Variants in DARS1 observed in about 807,000 individuals in gnomAD.
DARS1 encodes aspartyl-tRNA synthetase 1, also known as aspartate--tRNA ligase, cytoplasmic.
DARS1 carries 51 observed loss-of-function variants against 68.8 expected under a neutral mutation model. The ratio of observed to expected loss-of-function variants is 0.74; its 90% CI spans 0.59 to 0.94. DARS1 has a LOEUF of 0.94. DARS1 is among the 40% of genes least tolerant of loss of function. DARS1 has a pLI of 0.00. For synonymous variants in DARS1, 203 were observed against 190.4 expected, an observed-to-expected ratio of 1.07 and a Z score of -0.55; for missense variants, 607 against 597.3, an observed-to-expected ratio of 1.02 and a Z score of -0.17.
intron 1 of DARS1, 71 bp downstream of exon 1, chr2:135,985,332 C>G (rs1682752048): frequency 1.9e-6 from 3 of 1,562,816 alleles, no homozygotes; most frequent in South Asian, 1.2e-5. Flanking sequence ...CCCCACTCCC[C>G]CTCCTCCCTC....
chr2:135,955,713 G>T (rs1681958276), intron 4 of DARS1, among the ~76,000 whole-genome samples: 2 of 116,756 alleles, frequency 1.7e-5, no homozygotes, highest in South Asian at 5.4e-4. Context: ...TTTAGACAGG[G>T]TCTCGCTCTG....
In DARS1 at chr2:135,968,658, CTTTTTTTTTT is replaced by C. The variant is rs765797736; in HGVS notation, c.218-7170_218-7161del. On this transcript the variant is annotated intron_variant, in intron 3 of 15. Coordinates refer to ENST00000264161, the MANE Select transcript of DARS1 (RefSeq NM_001349.4). ...CAACAATGCCACACTGGGGATTCAG[CTTTTTTTTTT>C]TTTTTTTTTTTGAGACAGAGTCTCA... 2.3e-5 allele frequency among the ~76,000 whole-genome samples: 3 copies of C among 129,070 alleles called. No homozygotes were observed. The Admixed American group carries it at 2.4e-4, about 10-fold the overall frequency. The allele number at this position is 129,070 out of a possible 152,430, so 84.7% of individuals were successfully genotyped here.
intron 5 of DARS1, 42 bp downstream of exon 5, chr2:135,943,329 GAACCCAA>G (rs776409006): frequency 3.2e-6 from 5 of 1,581,964 alleles, no homozygotes; most frequent in Non-Finnish European, 4.3e-6. Context: ...AAAACTATTA[GAACCCAA>G]ATCTATTTCT....
chr2:135,975,005 T>C (rs1682463649), intron 3 of DARS1, among the ~76,000 whole-genome samples: 1 of 151,052 alleles, frequency 6.6e-6, no homozygotes, highest in African/African-American at 2.4e-5. Context: ...ATAAAATATA[T>C]GTAAAAAAAT....
intron 3 of DARS1, among the ~76,000 whole-genome samples, chr2:135,978,142 C>CAAAAAAAA (rs59505882): frequency 0.023 from 1,196 of 51,972 alleles, no homozygotes; most frequent in Non-Finnish European, 0.027. Context: ...GACTCTGTCT[C>CAAAAAAAA]AAAAAAAAAA....
intron 7 of DARS1, 67 bp downstream of exon 7, chr2:135,932,716 G>A (rs959844113): frequency 6.2e-6 from 5 of 810,718 alleles, no homozygotes; most frequent in Non-Finnish European, 1.1e-5. Context: ...GCCTGAGACA[G>A]GTATGGTATC....
chr2:135,972,996 T>C (rs529400490), intron 3 of DARS1, among the ~76,000 whole-genome samples: 44 of 152,352 alleles, frequency 2.9e-4, no homozygotes, highest in African/African-American at 1.1e-3. Context: ...GTACAATCAC[T>C]ATGTAGAACA....
At chr2:135,974,059 C>T (rs1392643650) in intron 3 of DARS1, among the ~76,000 whole-genome samples, 1 of 152,140 alleles carries the variant, frequency 6.6e-6, no homozygotes, top group Non-Finnish European at 1.5e-5. Context: ...TATACACCTA[C>T]TATGTACCCA....
chr2:135,984,039 G>C (rs1277747043), intron 1 of DARS1, among the ~76,000 whole-genome samples: 1 of 152,172 alleles, frequency 6.6e-6, no homozygotes, highest in Non-Finnish European at 1.5e-5. Context: ...CAGGTTACAG[G>C]AGTTTGACAC....
intron 7 of DARS1, among the ~76,000 whole-genome samples, chr2:135,925,504 A>G (rs1681195088): frequency 1.3e-5 from 2 of 152,192 alleles, no homozygotes; most frequent in Non-Finnish European, 2.9e-5. Context: ...GAATGATTAC[A>G]TTTCTTTCAC....
chr2:135,924,371 A>T lies in DARS1; in HGVS notation c.676+16T>A, dbSNP rs759077355. On this transcript the variant is annotated intron_variant, in intron 8 of 15. Transcript: ENST00000264161. ...AATTTATTTTTAAAAATTAAGAGAA[A>T]TATTTTGAAGCATACCTGAAATAAT... The T allele has an allele frequency of 6.4e-7, 1 of 1,572,600 alleles. No homozygotes were observed. The highest frequency in any genetic ancestry group is 1.2e-5 in the South Asian group (1 of 83,040).
intron 4 of DARS1, among the ~76,000 whole-genome samples, chr2:135,947,007 C>T (rs576106781): frequency 9.2e-5 from 14 of 152,270 alleles, no homozygotes; most frequent in Admixed American, 7.8e-4. Flanking sequence ...GTCTCGAACT[C>T]CTGGGCTCAA....
At chr2:135,963,603 C>T (rs1234860443) in intron 3 of DARS1, among the ~76,000 whole-genome samples, 1 of 151,862 alleles carries the variant, frequency 6.6e-6, no homozygotes, top group Non-Finnish European at 1.5e-5. Context: ...AACTCCTGAC[C>T]TCAGGTGATC....
chr2:135,920,922 C>G (rs572642467), intron 9 of DARS1, among the ~76,000 whole-genome samples: 18 of 151,920 alleles, frequency 1.2e-4, no homozygotes, highest in African/African-American at 4.1e-4. Context: ...ATAGTGAGTT[C>G]TTCTCAATTT....
intron 3 of DARS1, among the ~76,000 whole-genome samples, chr2:135,978,142 C>CAAAAAAA (rs59505882): frequency 4.4e-3 from 239 of 54,654 alleles, no homozygotes; most frequent in African/African-American, 0.011. Context: ...GACTCTGTCT[C>CAAAAAAA]AAAAAAAAAA....
intron 3 of DARS1, among the ~76,000 whole-genome samples, chr2:135,975,673 T>C (rs1220234692): frequency 6.7e-6 from 1 of 148,252 alleles, no homozygotes; most frequent in East Asian, 2.0e-4. Context: ...CGCATGCCTG[T>C]AGTCCTAGCT....
chr2:135,984,432 G>C (rs1682720599), intron 1 of DARS1, among the ~76,000 whole-genome samples: 1 of 152,160 alleles, frequency 6.6e-6, no homozygotes, highest in South Asian at 2.1e-4. Context: ...GAGGGTGCTG[G>C]ATTTTGTGTT....
At chr2:135,982,586 C>T (rs1327989128) in intron 2 of DARS1, among the ~76,000 whole-genome samples, 1 of 150,438 alleles carries the variant, frequency 6.6e-6, no homozygotes, top group Non-Finnish European at 1.5e-5. Context: ...ACAGAGCGAG[C>T]CTCTGTCTCC....
At chr2:135,956,524 G>T (rs1243448398) in intron 4 of DARS1, among the ~76,000 whole-genome samples, 1 of 152,152 alleles carries the variant, frequency 6.6e-6, no homozygotes, top group African/African-American at 2.4e-5. Context: ...AAGCAACTCA[G>T]CAGGATTCTT....
Sources: gnomAD v4.1 joint callset for allele counts (sites outside exome capture counted in the v4.1 genomes callset) on GRCh38, gnomAD v4.1.1 for gene constraint, MANE v1.5 for transcripts, NCBI Gene and HGNC (gene_info 2026-07-23, HGNC 2026-07-21) for gene names.